The following PTPRD variants were observed in gnomAD, a reference collection of about 807,000 sequenced individuals.
PTPRD encodes the protein receptor-type tyrosine-protein phosphatase delta.
In PTPRD, 34 loss-of-function variants were observed where a neutral mutation model predicts 214.5. The ratio of observed to expected loss-of-function variants is 0.16; its 90% confidence interval spans 0.12 to 0.21. The LOEUF (loss-of-function observed/expected upper bound fraction) is 0.21. Among genes scored for constraint, PTPRD ranks in the 10% least tolerant of loss-of-function variants. PTPRD has a pLI of 1.00. For missense variants in PTPRD, 2,545 were observed against 2,398.7 expected, an observed-to-expected ratio of 1.06 and a Z score of -1.27; for synonymous variants, 1,128 against 845.7, an observed-to-expected ratio of 1.33 and a Z score of -5.79.
intron 14 of PTPRD, among the ~76,000 whole-genome samples, chr9:8,626,731 A>T (rs1046995411): frequency 2.0e-5 from 3 of 151,634 alleles, no homozygotes; most frequent in African/African-American, 7.3e-5. Context: ...CAGCTTTTTC[A>T]TGCCTTTGGA....
chr9:9,672,186 T>G (rs2096844402), intron 7 of PTPRD, among the ~76,000 whole-genome samples: 1 of 152,174 alleles, frequency 6.6e-6, no homozygotes, highest in African/African-American at 2.4e-5. Flanking sequence ...CAGGTATAAT[T>G]CTATATGATT....
At chr9:9,092,123 C>T (rs1362373166) in intron 10 of PTPRD, among the ~76,000 whole-genome samples, 1 of 152,182 alleles carries the variant, frequency 6.6e-6, no homozygotes, top group Non-Finnish European at 1.5e-5. Context: ...ACTAGGCTCA[C>T]TATTGTTACC....
intron 34 of PTPRD, among the ~76,000 whole-genome samples, chr9:8,448,603 C>G (rs1187932393): frequency 6.6e-6 from 1 of 152,036 alleles, no homozygotes; most frequent in Admixed American, 6.6e-5. Context: ...AAAGTCTAAC[C>G]TCATATGAGT....
At chr9:9,016,238 T>G (rs2099534532) in intron 11 of PTPRD, among the ~76,000 whole-genome samples, 1 of 152,162 alleles carries the variant, frequency 6.6e-6, no homozygotes, top group Admixed American at 6.6e-5. Context: ...CCAGTGTGGA[T>G]AAAATTACTG....
At chr9:8,888,041 G>T (rs10977334) in intron 11 of PTPRD, among the ~76,000 whole-genome samples, 16,994 of 152,218 alleles carry the variant, frequency 0.11, 1,289 homozygotes, top group East Asian at 0.28. Flanking sequence ...GTTTTTCAAT[G>T]TGAAAATTTA....
chr9:9,328,044 T>G (rs1005430784), intron 9 of PTPRD, among the ~76,000 whole-genome samples: 16 of 152,166 alleles, frequency 1.1e-4, no homozygotes, highest in African/African-American at 3.9e-4. Context: ...ACATAGTTTT[T>G]GTGTTGTCTG....
intron 14 of PTPRD, among the ~76,000 whole-genome samples, chr9:8,544,073 G>T (rs1021612528): frequency 6.6e-6 from 1 of 151,872 alleles, no homozygotes; most frequent in Non-Finnish European, 1.5e-5. Context: ...CTGGTTTTTG[G>T]GGGTTGAAGG....
intron 7 of PTPRD, among the ~76,000 whole-genome samples, chr9:9,592,216 A>T (rs1592408196): frequency 6.6e-6 from 1 of 152,072 alleles, no homozygotes; most frequent in Admixed American, 6.6e-5. Context: ...TCTTAGGTAA[A>T]TTTATGGCCT....
intron 11 of PTPRD, among the ~76,000 whole-genome samples, chr9:9,017,653 C>T (rs2099541941): frequency 6.6e-6 from 1 of 152,108 alleles, no homozygotes; most frequent in African/African-American, 2.4e-5. Flanking sequence ...ACATTTTCTT[C>T]ATTTAAACAT....
chr9:8,920,065 G>T (rs1166751987), intron 11 of PTPRD, among the ~76,000 whole-genome samples: 1 of 151,966 alleles, frequency 6.6e-6, no homozygotes, highest in African/African-American at 2.4e-5. Flanking sequence ...ATGAGGCTGG[G>T]TGCAGTGGCT....
intron 5 of PTPRD, among the ~76,000 whole-genome samples, chr9:9,889,193 T>C (rs2153768909): frequency 6.6e-6 from 1 of 152,202 alleles, no homozygotes; most frequent in South Asian, 2.1e-4. Context: ...GAATTATTTA[T>C]TGTACAATGT....
intron 35 of PTPRD, among the ~76,000 whole-genome samples, chr9:8,416,704 A>C (rs1367172687): frequency 6.6e-6 from 1 of 152,136 alleles, no homozygotes; most frequent in Non-Finnish European, 1.5e-5. Context: ...AAACTCACCA[A>C]AGGATGGTAG....
intron 30 of PTPRD, among the ~76,000 whole-genome samples, chr9:8,483,005 C>G (rs1449988911): frequency 1.3e-5 from 2 of 152,224 alleles, no homozygotes; most frequent in Admixed American, 1.3e-4. Context: ...CTCTGTATCT[C>G]TCTCACTCTA....
intron 2 of PTPRD, among the ~76,000 whole-genome samples, chr9:10,395,835 G>A (rs918134979): frequency 1.3e-5 from 2 of 151,880 alleles, no homozygotes; most frequent in East Asian, 2.0e-4. Context: ...TGAAAAACGT[G>A]CAATTTCCAG....
intron 10 of PTPRD, among the ~76,000 whole-genome samples, chr9:9,072,210 C>T (rs1327953864): frequency 1.3e-5 from 2 of 150,864 alleles, no homozygotes; most frequent in African/African-American, 4.9e-5. Flanking sequence ...AAATATAATA[C>T]CAAAAAGCTT....
intron 9 of PTPRD, among the ~76,000 whole-genome samples, chr9:9,288,877 T>A (rs1245102721): frequency 6.6e-6 from 1 of 151,850 alleles, no homozygotes; most frequent in African/African-American, 2.4e-5. Flanking sequence ...TAAGGGACTT[T>A]TCCTCCTTTT....
rs1389462078 is a variant in PTPRD at position 9,140,055 on chromosome 9, A to G, written c.-143+43249T>C. Reference sequence around the variant, plus strand: ...TATTTTGTTTGAAAAAAGATTTATTATAGTCAGGAAACCAAAGTCAATGAG... The same window carrying G: ...TATTTTGTTTGAAAAAAGATTTATTGTAGTCAGGAAACCAAAGTCAATGAG... On this transcript the variant is annotated intron_variant, in intron 10 of 45. Transcript: ENST00000381196. 7.2e-5 allele frequency among the ~76,000 whole-genome samples: 11 copies of G among 152,214 alleles called. No homozygotes were observed. The East Asian group carries it at 2.1e-3, about 29-fold the overall frequency.
chr9:9,144,992 T>G (rs749533652), intron 10 of PTPRD, among the ~76,000 whole-genome samples: 10 of 152,216 alleles, frequency 6.6e-5, no homozygotes, highest in Non-Finnish European at 1.5e-4. Context: ...AAGCAACTTT[T>G]AAACAAATAT....
chr9:9,459,831 T>G (rs1464186663), intron 8 of PTPRD, among the ~76,000 whole-genome samples: 1 of 152,046 alleles, frequency 6.6e-6, no homozygotes, highest in African/African-American at 2.4e-5. Context: ...TTTCACAGAT[T>G]TAGCAAGAGC....
Sources: gnomAD v4.1 joint callset for allele counts (sites outside exome capture counted in the v4.1 genomes callset) on GRCh38, gnomAD v4.1.1 for gene constraint, MANE v1.5 for transcripts, NCBI Gene and HGNC (gene_info 2026-07-23, HGNC 2026-07-21) for gene names.